CTNNA2: variants seen among roughly 807,000 people sequenced by gnomAD.
CTNNA2 encodes the protein catenin alpha 2.
A neutral mutation model predicts 101.0 loss-of-function variants in CTNNA2; 42 were observed. That is an observed-to-expected ratio of 0.42 (90% CI 0.32 to 0.54). The LOEUF (loss-of-function observed/expected upper bound fraction) is 0.54, where lower values mean the gene tolerates loss of function less well. CTNNA2 is among the 20% of genes least tolerant of loss of function. The pLI is 0.14. For missense variants in CTNNA2, 871 were observed against 1,223.1 expected, an observed-to-expected ratio of 0.71 and a Z score of 4.29; for synonymous variants, 450 against 456.4, an observed-to-expected ratio of 0.99 and a Z score of 0.18.
chr2:79,972,730 C>T (rs1307423864), intron 7 of CTNNA2, among the ~76,000 whole-genome samples: 1 of 152,106 alleles, frequency 6.6e-6, no homozygotes, highest in Non-Finnish European at 1.5e-5. Flanking sequence ...AGTGGATCTT[C>T]AGGTTTTGTT....
At chr2:79,995,441 C>T (rs1371119612) in intron 7 of CTNNA2, among the ~76,000 whole-genome samples, 1 of 151,822 alleles carries the variant, frequency 6.6e-6, no homozygotes, top group African/African-American at 2.4e-5. Flanking sequence ...AATCATTTTT[C>T]CCTATGATGG....
chr2:80,484,347 G>T (rs1686384387), intron 9 of CTNNA2, among the ~76,000 whole-genome samples: 1 of 152,166 alleles, frequency 6.6e-6, no homozygotes, highest in Non-Finnish European at 1.5e-5. Context: ...CCGATACATA[G>T]TGTGTGTGCA....
intron 7 of CTNNA2, among the ~76,000 whole-genome samples, chr2:80,073,817 CAAT>C (rs1319236571): frequency 6.6e-6 from 1 of 151,170 alleles, no homozygotes; most frequent in Non-Finnish European, 1.5e-5. Context: ...ATAACATTTG[CAAT>C]AATATCTTAA....
At chr2:80,574,615 T>C (rs1694882234) in intron 13 of CTNNA2, among the ~76,000 whole-genome samples, 2 of 152,196 alleles carry the variant, frequency 1.3e-5, no homozygotes, top group South Asian at 4.1e-4. Flanking sequence ...TATCTCTTGC[T>C]AACACTCTTC....
intron 7 of CTNNA2, among the ~76,000 whole-genome samples, chr2:80,164,484 A>G (rs1433761251): frequency 6.6e-6 from 1 of 152,088 alleles, no homozygotes; most frequent in Non-Finnish European, 1.5e-5. Context: ...TTATATGTGT[A>G]CATTTAGAAT....
intron 9 of CTNNA2, among the ~76,000 whole-genome samples, chr2:80,526,037 TA>T (rs947006216): frequency 1.3e-5 from 2 of 152,130 alleles, no homozygotes; most frequent in Admixed American, 6.5e-5. Flanking sequence ...ATCTGAAAAA[TA>T]AAAAAATCTG....
At chr2:79,915,287 A>G (rs1337826561) in intron 7 of CTNNA2, among the ~76,000 whole-genome samples, 6 of 125,574 alleles carry the variant, frequency 4.8e-5, no homozygotes, top group Non-Finnish European at 3.2e-5. Flanking sequence ...TAGGAGTGGT[A>G]TATTTACACA....
intron 1 of CTNNA2, among the ~76,000 whole-genome samples, chr2:79,586,438 G>A (rs1261084558): frequency 6.6e-6 from 1 of 151,908 alleles, no homozygotes; most frequent in Non-Finnish European, 1.5e-5. Context: ...GCATGCCAGT[G>A]TTTTATGCCC....
In CTNNA2 at chr2:79,930,320, G is replaced by GAAAGAA. The variant is rs1553406930; in HGVS notation, c.1056+20525_1056+20530dup. Among the ~76,000 whole-genome samples the GAAAGAA allele has an allele frequency of 3.5e-3, 505 of 143,144 alleles. 9 individuals carry two copies. Among genetic ancestry groups the GAAAGAA allele is most frequent in the African/African-American group, 0.012 (458 of 37,992 alleles). 93.9% of individuals were successfully genotyped at this position (143,144 alleles called of 152,430 possible). A position where few individuals can be genotyped will look rare whatever the true frequency, so the allele number is the denominator to read the frequency against. On this transcript the variant is annotated intron_variant, in intron 7 of 18. Transcript: ENST00000402739. Reference sequence around the variant, plus strand: ...AGAAAGAAAGAAAGAAAGAAAGAAAGAAAGAAAGAAAGAAAGAAAGAAAGA... The same window carrying GAAAGAA: ...AGAAAGAAAGAAAGAAAGAAAGAAAGAAAGAAAAAGAAAGAAAGAAAGAAAGAAAGA...
At position 79,948,750 on chromosome 2, in the gene CTNNA2, C is replaced by CGT. The variant is rs111783610; in HGVS notation, c.1056+38954_1056+38955insTG. On this transcript the variant is annotated intron_variant, in intron 7 of 18. Coordinates refer to ENST00000402739, the MANE Select transcript of CTNNA2 (RefSeq NM_001282597.3). ...TTGGGAGGCCGAGGCGGGCGGATCA[C>CGT]GAGGCCAGGAGATGGACACCATCCT... Among the ~76,000 whole-genome samples the CGT allele has an allele frequency of 5.1e-4, 78 of 152,230 alleles. 1 individual carries two copies. The highest frequency in any genetic ancestry group is 3.4e-3 in the Middle Eastern group (1 of 294).
chr2:80,117,339 G>T (rs1014164228), intron 7 of CTNNA2, among the ~76,000 whole-genome samples: 1 of 151,988 alleles, frequency 6.6e-6, no homozygotes, highest in South Asian at 2.1e-4. Context: ...CATAAATTCC[G>T]TATGTATGTG....
intron 1 of CTNNA2, among the ~76,000 whole-genome samples, chr2:79,639,009 G>C (rs1680268809): frequency 6.6e-6 from 1 of 152,074 alleles, no homozygotes; most frequent in Non-Finnish European, 1.5e-5. Context: ...AAAGATCATT[G>C]ATTATTTTCC....
chr2:80,617,714 A>G (rs1698971329), intron 17 of CTNNA2, among the ~76,000 whole-genome samples: 1 of 151,954 alleles, frequency 6.6e-6, no homozygotes, highest in East Asian at 1.9e-4. Context: ...CTGCTCTCTC[A>G]TCTGCCAATT....
chr2:80,607,631 G>C (rs1413150919), intron 16 of CTNNA2, among the ~76,000 whole-genome samples: 1 of 151,800 alleles, frequency 6.6e-6, no homozygotes, highest in Non-Finnish European at 1.5e-5. Flanking sequence ...TTTAAAGGCA[G>C]GTTATTATGT....
chr2:79,189,710 T>C (rs1673826705), intron 1 of CTNNA2, among the ~76,000 whole-genome samples: 1 of 152,178 alleles, frequency 6.6e-6, no homozygotes, highest in Admixed American at 6.5e-5. Context: ...AGGCACCCTC[T>C]GGAGTTAAGC....
chr2:79,966,232 G>A (rs562801058), intron 7 of CTNNA2, among the ~76,000 whole-genome samples: 2 of 151,706 alleles, frequency 1.3e-5, no homozygotes, highest in African/African-American at 4.8e-5. Flanking sequence ...ATATATATAT[G>A]TGTGACTAGA....
chr2:79,185,431 G>T (rs1012576941), exon 1 of CTNNA2: 1 of 151,780 alleles, frequency 6.6e-6, no homozygotes, highest in African/African-American at 2.4e-5. Flanking sequence ...AAAGGAATTT[G>T]GTGAGTACTT....
chr2:79,426,161 C>A lies in CTNNA2; in HGVS notation c.-135+52148C>A, dbSNP rs149331309. Among the ~76,000 whole-genome samples, 30 of 152,234 alleles carry A rather than the reference C, an allele frequency of 2.0e-4. No individual in the cohort carries two copies. In the East Asian group the frequency reaches 5.4e-3, roughly 27 times the overall value. ...ATATATTCATAAAATATTGTAGACT[C>A]TATGGAACAGCCTCAAGATACAGCA... On this transcript the variant is annotated intron_variant, in intron 4 of 21. Coordinates refer to the CTNNA2 transcript ENST00000466387.
At chr2:79,903,009 C>T (rs1178414613) in intron 6 of CTNNA2, among the ~76,000 whole-genome samples, 1 of 152,180 alleles carries the variant, frequency 6.6e-6, no homozygotes, top group African/African-American at 2.4e-5. Context: ...TCCCCTCTAA[C>T]ATTGCAGTGT....
Sources: gnomAD v4.1 joint callset for allele counts (sites outside exome capture counted in the v4.1 genomes callset) on GRCh38, gnomAD v4.1.1 for gene constraint, MANE v1.5 for transcripts, NCBI Gene and HGNC (gene_info 2026-07-23, HGNC 2026-07-21) for gene names.